C3: variants seen among roughly 807,000 people sequenced by gnomAD.
C3 encodes the protein complement C3, also known as C3 and PZP-like alpha-2-macroglobulin domain-containing protein 1.
A neutral mutation model predicts 207.9 loss-of-function variants in C3; 97 were observed. The observed-to-expected ratio is 0.47, with a 90% CI of 0.40 to 0.55. C3 has a LOEUF of 0.55. Ranked by LOEUF, C3 falls within the 20% of genes least tolerant of loss-of-function variation. The probability of loss-of-function intolerance (pLI) is 0.00; values close to 1 mark genes in which losing one functional copy is unlikely to be tolerated. For missense variants in C3, 1,684 were observed against 2,171.7 expected, an observed-to-expected ratio of 0.78 and a Z score of 4.46; for synonymous variants, 848 against 857.6, an observed-to-expected ratio of 0.99 and a Z score of 0.20.
chr19:6,713,221 A>T lies in C3; in HGVS notation c.971T>A (p.Leu324Ter). ...CAAGATGACGGTGGCAGACACGTACAAAGACTTCCCCACCAGGTCTTCTGC... is the reference window on the plus strand; with the variant it reads ...CAAGATGACGGTGGCAGACACGTACTAAGACTTCCCCACCAGGTCTTCTGC... ...PRAEDLVGKS[L>*]YVSATVILHS... The change falls in exon 9 of 41, where the codon TTG (leucine) becomes TAG (stop). Residue 324 changes from leucine to a stop codon, truncating the protein, a stop_gained. Transcript: ENST00000245907. LOFTEE classifies it high-confidence loss of function. 2 of 1,613,568 alleles carry T rather than the reference A, an allele frequency of 1.2e-6. No individual in the cohort carries two copies. Among genetic ancestry groups the T allele is most frequent in the East Asian group, 4.5e-5 (2 of 44,894 alleles).
chr19:6,710,222 GAGA>G (rs1191051690), intron 13 of C3, among the ~76,000 whole-genome samples: 1 of 112,552 alleles, frequency 8.9e-6, no homozygotes, highest in African/African-American at 3.3e-5. Context: ...AAGAGGGAGA[GAGA>G]AGGAGAGAGA....
At chr19:6,707,040 G>A (rs1967792249) in intron 17 of C3, 36 bp downstream of exon 17, 1 of 1,021,034 alleles carries the variant, frequency 9.8e-7, no homozygotes, top group African/African-American at 1.9e-5. Context: ...CCCATCAGAC[G>A]GCCCCCTCCC....
intron 19 of C3, among the ~76,000 whole-genome samples, chr19:6,698,086 G>A (rs1233564879): frequency 1.3e-5 from 2 of 151,798 alleles, no homozygotes; most frequent in African/African-American, 2.4e-5. Context: ...GCGCCATCTC[G>A]GCTCAACGCA....
chr19:6,680,269 G>A lies in C3; in HGVS notation c.4351-6C>T, dbSNP rs1917826957. 1 of 1,530,900 alleles carries A rather than the reference G, an allele frequency of 6.5e-7. No individual in the cohort carries two copies. The highest frequency in any genetic ancestry group is 1.7e-5 in the Admixed American group (1 of 59,892). The allele number at this position is 1,530,900 out of a possible 1,614,324, so 94.8% of individuals were successfully genotyped here. On this transcript the variant is annotated splice_polypyrimidine_tract_variant and splice_region_variant and intron_variant, in intron 35 of 40. Coordinates refer to ENST00000245907, the MANE Select transcript of C3 (RefSeq NM_000064.4). ...TCATCCTCAGAGTGTGAGACCTGAGGGGGAAGGAGGAGCTTGGTCAGTGGG... is the reference window on the plus strand; with the variant it reads ...TCATCCTCAGAGTGTGAGACCTGAGAGGGAAGGAGGAGCTTGGTCAGTGGG...
chr19:6,681,902 C>T (rs1197745972), intron 35 of C3, 39 bp downstream of exon 35: 2 of 1,467,292 alleles, frequency 1.4e-6, no homozygotes, highest in Non-Finnish European at 1.9e-6. Context: ...GGTCAGGGTG[C>T]CCCTGGAAGC....
intron 27 of C3, 63 bp from the exon 28 acceptor site, chr19:6,686,965 A>T: frequency 6.6e-7 from 1 of 1,526,360 alleles, no homozygotes; most frequent in South Asian, 1.1e-5. Flanking sequence ...AGTAAGGATC[A>T]TTCGAGCAGC....
At chr19:6,717,532 G>A (rs1968057272) in intron 4 of C3, 1 of 247,418 alleles carries the variant, frequency 4.0e-6, no homozygotes, top group South Asian at 4.7e-5. Context: ...TTGTGTGGTT[G>A]TGTGTTGTGT....
intron 20 of C3, 38 bp from the exon 21 acceptor site, chr19:6,697,594 C>T: frequency 6.2e-7 from 1 of 1,613,760 alleles, no homozygotes; most frequent in Non-Finnish European, 8.5e-7. Flanking sequence ...AGTGTGTGTG[C>T]AACAGGCTAC....
chr19:6,702,203 C>G lies in C3; in HGVS notation c.2364G>C (p.Thr788=), dbSNP rs372269796. 3.8e-6 allele frequency: 6 copies of G among 1,594,550 alleles called. No individual in the cohort carries two copies. Among genetic ancestry groups the G allele is most frequent in the Non-Finnish European group, 5.1e-6 (6 of 1,165,800 alleles). The change falls in exon 19 of 41, where the codon ACG becomes ACC. Residue 788 remains threonine, a synonymous_variant. Transcript: ENST00000245907. ...LKEPPKNGIS[T]KLMNIFLKDS... ...CTTTCAAAAATATATTCATGAGCTT[C>G]GTAGAGATTCTGGATGGAGAAGAGG... is the stretch of plus-strand genomic sequence containing the variant.
chr19:6,709,694 G>A lies in C3; in HGVS notation c.1835C>T (p.Thr612Met), dbSNP rs201572752. ...GTCACTGGCCCTTACCTTACTCTGC[G>A]TCAGTTTGTTCTTCTTATTCAGCAC... Reference protein sequence around the residue: ...VFVLNKKNKLTQSKIWDVVEK... With the variant: ...VFVLNKKNKLMQSKIWDVVEK... The change falls in exon 14 of 41, where the codon ACG becomes ATG. Residue 612 changes from threonine (T) to methionine (M), a missense_variant. Physicochemically the swap from Thr to Met is moderately conservative, Grantham distance 81 (BLOSUM62 -1). Around this residue, in one of 3 missense-constraint regions of C3, gnomAD observed 1,280 missense variants for 1,739.1 expected, o/e 0.74. Transcript: ENST00000245907. The A allele has an allele frequency of 1.2e-5, 20 of 1,612,564 alleles. No individual in the cohort carries two copies. Among genetic ancestry groups the A allele is most frequent in the East Asian group, 1.1e-4 (5 of 44,788 alleles).
chr19:6,711,843 A>C (rs1967929185), intron 11 of C3, among the ~76,000 whole-genome samples: 3 of 152,176 alleles, frequency 2.0e-5, no homozygotes, highest in Admixed American at 2.0e-4. Flanking sequence ...CAAACACTAC[A>C]CAACCCTCCT....
At chr19:6,682,392 A>G in intron 33 of C3, 163 bp from the exon 34 acceptor site, 1 of 670,984 alleles carries the variant, frequency 1.5e-6, no homozygotes, top group East Asian at 2.8e-5. Flanking sequence ...AAAGGAAATA[A>G]AAAGCAAGGT....
At chr19:6,701,067 G>A (rs59591898) in intron 19 of C3, among the ~76,000 whole-genome samples, 6,346 of 151,982 alleles carry the variant, frequency 0.042, 437 homozygotes, top group African/African-American at 0.15. Flanking sequence ...CAGACAGGCT[G>A]CCTACTGACA....
At position 6,679,595 on chromosome 19, in the gene C3, G is replaced by T. The variant is rs1354621342; in HGVS notation, c.4457-99C>A. ...CCCCAGTTCTCAGTCTTCAGACCTG[G>T]AGATGCTAGGTCTTCAACCCCTCAG... is the stretch of plus-strand genomic sequence containing the variant. On this transcript the variant is annotated intron_variant, in intron 36 of 40. Transcript: ENST00000245907. 22 of 825,496 alleles carry T rather than the reference G, an allele frequency of 2.7e-5. 1 individual carries two copies. The Admixed American group carries it at 3.8e-4, about 14-fold the overall frequency. The allele number at this position is 825,496 out of a possible 1,614,324, so 51.1% of individuals were successfully genotyped here.
At chr19:6,695,776 G>A (rs751406835) in intron 23 of C3, among the ~76,000 whole-genome samples, 3 of 151,930 alleles carry the variant, frequency 2.0e-5, no homozygotes, top group Non-Finnish European at 4.4e-5. Flanking sequence ...TCTCATTTAA[G>A]CTGGTTTCCC....
chr19:6,679,496 T>C lies in C3; in HGVS notation c.4457A>G (p.Glu1486Gly). The C allele has an allele frequency of 6.2e-7, 1 of 1,608,976 alleles. No individual in the cohort carries two copies. Among genetic ancestry groups the C allele is most frequent in the Non-Finnish European group, 8.5e-7 (1 of 1,175,324 alleles). The change falls in exon 37 of 41, where the codon GAG becomes GGG. Residue 1486 changes from glutamate to glycine, a missense_variant and splice_region_variant. This residue lies in a region of C3 where 346 missense variants were observed against 380.1 expected (regional missense o/e 0.91). Transcript: ENST00000245907. The stretch of plus-strand genomic sequence containing the variant: ...ATGGTAGAACCGGGTACAGCTTTCC[T>C]CTGCGGGCAGATGTGATGTGAAGAT... ...AVKVYAYYNL[E>G]ESCTRFYHPE...
At chr19:6,684,163 A>G in intron 33 of C3, 1 of 626,774 alleles carries the variant, frequency 1.6e-6, no homozygotes, top group Non-Finnish European at 2.9e-6. Context: ...TCCATTGATT[A>G]CTAAGATGCT....
intron 27 of C3, among the ~76,000 whole-genome samples, chr19:6,688,993 C>G (rs1373991561): frequency 6.6e-6 from 1 of 152,156 alleles, no homozygotes; most frequent in Non-Finnish European, 1.5e-5. Context: ...CATATTCTGC[C>G]TGAACTGAAT....
intron 17 of C3, among the ~76,000 whole-genome samples, chr19:6,703,806 G>C (rs1967719899): frequency 6.6e-6 from 1 of 151,890 alleles, no homozygotes; most frequent in African/African-American, 2.4e-5. Context: ...AAATTAGCTG[G>C]GTGTGATGGC....
Sources: gnomAD v4.1 joint callset for allele counts (sites outside exome capture counted in the v4.1 genomes callset) on GRCh38, gnomAD v4.1.1 for gene constraint, gnomAD v4.1.1 regional missense constraint, MANE v1.5 for transcripts, NCBI Gene and HGNC (gene_info 2026-07-23, HGNC 2026-07-21) for gene names.